HPSE2: variants seen among roughly 807,000 people sequenced by gnomAD.
HPSE2 encodes the protein heparanase 2 (inactive).
HPSE2 carries 38 observed loss-of-function variants against 60.5 expected under a neutral mutation model. The observed-to-expected ratio is 0.63, with a 90% CI of 0.48 to 0.82. The LOEUF (loss-of-function observed/expected upper bound fraction) is 0.82. HPSE2 is among the 40% of genes least tolerant of loss of function. The pLI is 0.00. For synonymous variants in HPSE2, 295 were observed against 293.2 expected (o/e 1.01, Z -0.06); for missense variants, 713 against 740.4 (o/e 0.96, Z 0.43).
At chr10:98,947,687 G>C (rs1010177806) in intron 3 of HPSE2, among the ~76,000 whole-genome samples, 2 of 151,962 alleles carry the variant, frequency 1.3e-5, no homozygotes, top group Non-Finnish European at 2.9e-5. Flanking sequence ...TTTATTGTTT[G>C]GTGTAAATAC....
chr10:98,632,694 C>T (rs1351670370), intron 7 of HPSE2, among the ~76,000 whole-genome samples: 1 of 152,100 alleles, frequency 6.6e-6, no homozygotes, highest in Non-Finnish European at 1.5e-5. Flanking sequence ...CCTGCTTTCA[C>T]AGGCATCTAA....
chr10:98,625,175 G>A (rs1187038401), intron 7 of HPSE2, among the ~76,000 whole-genome samples: 1 of 152,166 alleles, frequency 6.6e-6, no homozygotes, highest in Non-Finnish European at 1.5e-5. Context: ...TACTCCTTAA[G>A]GAAGTCATGT....
intron 9 of HPSE2, among the ~76,000 whole-genome samples, chr10:98,510,126 T>A (rs868250079): frequency 4.6e-5 from 7 of 152,228 alleles, no homozygotes; most frequent in Non-Finnish European, 5.9e-5. Context: ...GAAGTTTTTT[T>A]AATCACATTT....
intron 9 of HPSE2, among the ~76,000 whole-genome samples, chr10:98,602,793 AC>A (rs1382876238): frequency 2.0e-5 from 3 of 152,226 alleles, no homozygotes; most frequent in African/African-American, 7.2e-5. Flanking sequence ...CATATCATGT[AC>A]AAAAATTAAC....
intron 3 of HPSE2, among the ~76,000 whole-genome samples, chr10:98,850,351 G>C (rs891398544): frequency 1.3e-4 from 20 of 152,150 alleles, no homozygotes; most frequent in Non-Finnish European, 2.6e-4. Flanking sequence ...AATAGGAACA[G>C]TTCTAGTAAC....
At chr10:99,083,530 T>A (rs899877303) in intron 3 of HPSE2, among the ~76,000 whole-genome samples, 1 of 152,220 alleles carries the variant, frequency 6.6e-6, no homozygotes, top group Non-Finnish European at 1.5e-5. Context: ...TTTTATAAGA[T>A]CTTACCTTTA....
chr10:99,086,228 CTAACA>C (rs1166136877), intron 3 of HPSE2, among the ~76,000 whole-genome samples: 5 of 151,360 alleles, frequency 3.3e-5, no homozygotes, highest in Middle Eastern at 3.4e-3. Flanking sequence ...AGCCCTCAAA[CTAACA>C]TAAAAGAGTT....
the HPSE2 span, among the ~76,000 whole-genome samples, chr10:99,291,812 A>G: frequency 6.6e-6 from 1 of 152,144 alleles, no homozygotes. Context: ...CTTGGCTCAC[A>G]TTCTCTCTCT....
At chr10:99,217,072 A>T (rs4129552) in intron 2 of HPSE2, among the ~76,000 whole-genome samples, 21 of 151,730 alleles carry the variant, frequency 1.4e-4, no homozygotes, top group East Asian at 5.8e-4. Context: ...TTATATAATC[A>T]GCCTGTGATC....
At chr10:98,905,963 G>A (rs1265806808) in intron 3 of HPSE2, among the ~76,000 whole-genome samples, 1 of 152,168 alleles carries the variant, frequency 6.6e-6, no homozygotes, top group Admixed American at 6.5e-5. Flanking sequence ...TCTCCTGGCT[G>A]CTGGGAGTGT....
At position 98,742,449 on chromosome 10, in the gene HPSE2, A is replaced by G. The variant is rs377317584; in HGVS notation, c.784+1434T>C. Among the ~76,000 whole-genome samples, 70 of 152,132 alleles carry G rather than the reference A, an allele frequency of 4.6e-4. 1 individual carries two copies. In the East Asian group the frequency reaches 6.0e-3, roughly 13 times the overall value. ...ACAAATATGGGTTAGCTAGAGACAT[A>G]TAAGACTGTTAATGAAAATGTTGGA... is the stretch of plus-strand genomic sequence containing the variant. On this transcript the variant is annotated intron_variant, in intron 4 of 11. Transcript: ENST00000370552.
intron 3 of HPSE2, among the ~76,000 whole-genome samples, chr10:99,055,860 T>C (rs1339681626): frequency 2.6e-5 from 4 of 152,194 alleles, no homozygotes; most frequent in Non-Finnish European, 2.9e-5. Context: ...TAAGCGCCTA[T>C]ATTAGAGACA....
intron 3 of HPSE2, among the ~76,000 whole-genome samples, chr10:99,087,491 A>G (rs952205900): frequency 3.3e-5 from 5 of 152,336 alleles, no homozygotes; most frequent in Admixed American, 3.3e-4. Context: ...TATTCCTAAC[A>G]TGACTGCTGA....
chr10:98,484,948 C>T (rs1941385731), intron 10 of HPSE2, among the ~76,000 whole-genome samples: 1 of 152,108 alleles, frequency 6.6e-6, no homozygotes, highest in South Asian at 2.1e-4. Context: ...AAAAAATGAC[C>T]CAGCCCCACC....
At chr10:99,028,740 C>T (rs191705886) in intron 3 of HPSE2, among the ~76,000 whole-genome samples, 2 of 152,254 alleles carry the variant, frequency 1.3e-5, no homozygotes, top group East Asian at 1.9e-4. Context: ...AATTATACTA[C>T]AGTGATACAG....
Position 98,459,568 on chromosome 10 carries a change from G to A in HPSE2, c.*6C>T, listed in dbSNP as rs752200777. 1.7e-5 allele frequency: 27 copies of A among 1,613,964 alleles called. No homozygotes were observed. The highest frequency in any genetic ancestry group is 2.3e-5 in the Non-Finnish European group (27 of 1,179,990). ...GCCCACTGGTAGCCGTGAGTGTGAG[G>A]ATAGCTTATCGGTAGCGGCAGGCCA... On this transcript the variant is annotated 3_prime_UTR_variant, in exon 12 of 12. Coordinates refer to ENST00000370552, the MANE Select transcript of HPSE2 (RefSeq NM_021828.5).
intron 3 of HPSE2, among the ~76,000 whole-genome samples, chr10:98,767,583 A>G (rs10883195): frequency 0.5 from 72,239 of 145,716 alleles, 20,166 homozygotes; most frequent in South Asian, 0.75. Context: ...TATATATAAT[A>G]TGTAGTTATA....
At chr10:98,873,003 TGAA>T (rs766378621) in intron 3 of HPSE2, among the ~76,000 whole-genome samples, 8 of 152,060 alleles carry the variant, frequency 5.3e-5, no homozygotes, top group Non-Finnish European at 1.0e-4. Flanking sequence ...GTTTAGAAGG[TGAA>T]GAAGAGAAGG....
intron 6 of HPSE2, among the ~76,000 whole-genome samples, chr10:98,647,674 A>G (rs972374544): frequency 6.6e-6 from 1 of 152,152 alleles, no homozygotes; most frequent in Non-Finnish European, 1.5e-5. Flanking sequence ...GGCTTTATAA[A>G]TTGCACTTGC....
Sources: allele counts gnomAD v4.1 joint callset (sites outside exome capture counted in the v4.1 genomes callset), GRCh38; gene constraint gnomAD v4.1.1; transcripts MANE v1.5; gene names NCBI Gene and HGNC (gene_info 2026-07-23, HGNC 2026-07-21).